The following GRM5 variants were observed in gnomAD, a reference collection of about 807,000 sequenced individuals.
GRM5 encodes metabotropic glutamate receptor 5.
A neutral mutation model predicts 83.1 loss-of-function variants in GRM5; 19 were observed. The observed-to-expected ratio is 0.23, with a 90% confidence interval of 0.16 to 0.34. The LOEUF (loss-of-function observed/expected upper bound fraction) is 0.34, where lower values mean the gene tolerates loss of function less well. Among genes scored for constraint, GRM5 ranks in the 10% least tolerant of loss-of-function variants. The pLI is 1.00. For missense variants in GRM5, 1,160 were observed against 1,588.3 expected (o/e 0.73, Z 4.58); for synonymous variants, 675 against 633.6 (o/e 1.07, Z -0.98).
chr11:88,967,393 C>T (rs1372139408), intron 2 of GRM5, among the ~76,000 whole-genome samples: 2 of 146,430 alleles, frequency 1.4e-5, no homozygotes, highest in East Asian at 2.0e-4. Flanking sequence ...CAGAAAACCA[C>T]GGATAAATTA....
intron 3 of GRM5, among the ~76,000 whole-genome samples, chr11:88,789,611 T>C (rs918718577): frequency 1.3e-5 from 2 of 152,130 alleles, no homozygotes; most frequent in African/African-American, 4.8e-5. Context: ...GATAGAAGTC[T>C]CTTGATTATT....
intron 8 of GRM5, among the ~76,000 whole-genome samples, chr11:88,560,879 T>C (rs911128164): frequency 1.3e-5 from 2 of 152,150 alleles, no homozygotes; most frequent in Non-Finnish European, 2.9e-5. Context: ...TGTGAATAAA[T>C]AACAAGTGAA....
At chr11:88,863,631 G>A (rs2135553462) in intron 2 of GRM5, among the ~76,000 whole-genome samples, 1 of 150,702 alleles carries the variant, frequency 6.6e-6, no homozygotes, top group East Asian at 2.0e-4. Context: ...AGACAGTAGA[G>A]CTGAAAATAG....
chr11:88,755,181 T>C (rs1397622050), intron 3 of GRM5, among the ~76,000 whole-genome samples: 2 of 152,124 alleles, frequency 1.3e-5, no homozygotes, highest in African/African-American at 4.8e-5. Context: ...ATAGAAGATA[T>C]CTCATCAAAG....
At chr11:88,977,126 AT>A (rs1939368211) in intron 2 of GRM5, among the ~76,000 whole-genome samples, 1 of 151,126 alleles carries the variant, frequency 6.6e-6, no homozygotes, top group South Asian at 2.1e-4. Context: ...ATGAAGGAAC[AT>A]TTTTAAATGA....
intron 3 of GRM5, among the ~76,000 whole-genome samples, chr11:88,831,645 G>A (rs369432316): frequency 1.4e-4 from 21 of 152,258 alleles, no homozygotes; most frequent in African/African-American, 4.1e-4. Context: ...CACCTCTCAT[G>A]GTGCTGAGGA....
chr11:88,819,005 A>T (rs1198734660), intron 3 of GRM5, among the ~76,000 whole-genome samples: 2 of 152,160 alleles, frequency 1.3e-5, no homozygotes. Context: ...TTTCCTTCCA[A>T]TTCTTATTCT....
At chr11:89,003,958 A>T (rs1020949997) in intron 2 of GRM5, among the ~76,000 whole-genome samples, 9 of 152,190 alleles carry the variant, frequency 5.9e-5, no homozygotes, top group African/African-American at 2.2e-4. Flanking sequence ...AAGTGATTCT[A>T]AAGCTGAACT....
At chr11:88,789,862 T>G (rs1360111788) in intron 3 of GRM5, among the ~76,000 whole-genome samples, 2 of 152,046 alleles carry the variant, frequency 1.3e-5, no homozygotes, top group African/African-American at 4.8e-5. Flanking sequence ...AAATTTTTTT[T>G]TTCTTTTTTT....
At chr11:88,949,553 G>C (rs1394016262) in intron 2 of GRM5, among the ~76,000 whole-genome samples, 1 of 152,194 alleles carries the variant, frequency 6.6e-6, no homozygotes, top group Non-Finnish European at 1.5e-5. Context: ...CCAGATTAAT[G>C]ATTGAGACTG....
intron 7 of GRM5, among the ~76,000 whole-genome samples, chr11:88,583,418 G>A (rs771228054): frequency 6.6e-6 from 1 of 152,168 alleles, no homozygotes; most frequent in Admixed American, 6.5e-5. Context: ...GATACATATT[G>A]CCTTGGATGG....
At chr11:88,836,752 G>A (rs1305375698) in intron 3 of GRM5, among the ~76,000 whole-genome samples, 2 of 152,182 alleles carry the variant, frequency 1.3e-5, no homozygotes, top group South Asian at 2.1e-4. Flanking sequence ...TTGACATACC[G>A]CCACTGCACT....
At chr11:89,009,471 A>G (rs2135085741) in intron 2 of GRM5, among the ~76,000 whole-genome samples, 1 of 152,344 alleles carries the variant, frequency 6.6e-6, no homozygotes, top group South Asian at 2.1e-4. Context: ...TCAAGTTAAC[A>G]GATGAGAAAA....
chr11:88,748,382 G>A (rs1321045348), intron 3 of GRM5, among the ~76,000 whole-genome samples: 1 of 152,106 alleles, frequency 6.6e-6, no homozygotes, highest in Non-Finnish European at 1.5e-5. Flanking sequence ...CACCTCACAA[G>A]TTAAGAACCA....
At chr11:88,686,889 T>C (rs987399145) in intron 3 of GRM5, among the ~76,000 whole-genome samples, 6 of 152,114 alleles carry the variant, frequency 3.9e-5, no homozygotes, top group African/African-American at 1.4e-4. Flanking sequence ...CAGACTCTCA[T>C]GGCACTGACC....
intron 4 of GRM5, among the ~76,000 whole-genome samples, chr11:88,648,648 T>C (rs1376519287): frequency 2.3e-5 from 1 of 43,124 alleles, no homozygotes; most frequent in African/African-American, 4.8e-5. Flanking sequence ...AAACTTAAAG[T>C]ATAATAAAAA....
rs1371362998 is a variant in GRM5, at chr11:88,508,411, T to G, written c.*181A>C. On this transcript the variant is annotated 3_prime_UTR_variant, in exon 10 of 10. Transcript: ENST00000305447. This position sits in a 1 kb window ranked among gnomAD's most constrained non-coding sequence, Gnocchi z 4.2. Reference sequence around the variant, plus strand: ...CTAGAAGAAAATCTGCCAAAAGATTTGTCGTCGGTTTCTTCGTCGGTTGTC... The same window carrying G: ...CTAGAAGAAAATCTGCCAAAAGATTGGTCGTCGGTTTCTTCGTCGGTTGTC... 2 of 493,164 alleles carry G rather than the reference T, an allele frequency of 4.1e-6. No homozygotes were observed. Among genetic ancestry groups the G allele is most frequent in the Admixed American group, 7.7e-5 (2 of 25,810 alleles). 30.5% of individuals were successfully genotyped at this position (493,164 alleles called of 1,614,324 possible). A position where few individuals can be genotyped will look rare whatever the true frequency, so the allele number is the denominator to read the frequency against.
At chr11:88,773,019 C>T (rs1942772754) in intron 3 of GRM5, among the ~76,000 whole-genome samples, 2 of 152,190 alleles carry the variant, frequency 1.3e-5, no homozygotes, top group South Asian at 4.1e-4. Flanking sequence ...CTTGAGGAAT[C>T]ACCACACTGT....
chr11:88,575,388 A>C (rs1943088710), intron 7 of GRM5, among the ~76,000 whole-genome samples: 1 of 151,680 alleles, frequency 6.6e-6, no homozygotes, highest in South Asian at 2.1e-4. Context: ...TGAGATTAAA[A>C]CTCTGTGGTT....
Sources: allele counts gnomAD v4.1 joint callset (sites outside exome capture counted in the v4.1 genomes callset), GRCh38; gene constraint gnomAD v4.1.1; non-coding constraint Gnocchi (gnomAD v3.1); transcripts MANE v1.5; gene names NCBI Gene and HGNC (gene_info 2026-07-23, HGNC 2026-07-21).